ABCG8: variants seen among roughly 807,000 people sequenced by gnomAD.
The protein encoded by ABCG8 is ATP binding cassette subfamily G member 8.
A neutral mutation model predicts 71.3 loss-of-function variants in ABCG8; 81 were observed. That is an observed-to-expected ratio of 1.14 (90% CI 0.95 to 1.37). The LOEUF (loss-of-function observed/expected upper bound fraction) is 1.37. ABCG8 is among the 40% of genes most tolerant of loss of function. The pLI is 0.00. For synonymous variants in ABCG8, 451 were observed against 354.7 expected, an observed-to-expected ratio of 1.27 and a Z score of -3.05; for missense variants, 1,119 against 866.2, an observed-to-expected ratio of 1.29 and a Z score of -3.66.
intron 8 of ABCG8, among the ~76,000 whole-genome samples, chr2:43,872,641 G>T (rs766618741): frequency 1.3e-5 from 2 of 152,122 alleles, no homozygotes; most frequent in Non-Finnish European, 2.9e-5. Flanking sequence ...ATTCCTGGAG[G>T]TGGAGGCTGC....
chr2:43,850,793 C>A (rs932989341), intron 3 of ABCG8, among the ~76,000 whole-genome samples: 1 of 151,936 alleles, frequency 6.6e-6, no homozygotes, highest in African/African-American at 2.4e-5. Context: ...CCTGTAATCC[C>A]AGCTACTCAG....
intron 6 of ABCG8, among the ~76,000 whole-genome samples, chr2:43,857,113 C>T (rs1206187478): frequency 2.6e-5 from 4 of 151,532 alleles, no homozygotes; most frequent in Non-Finnish European, 5.9e-5. Flanking sequence ...AATTTTCACT[C>T]TCTAGATAGA....
intron 3 of ABCG8, among the ~76,000 whole-genome samples, chr2:43,851,186 A>G (rs574760327): frequency 6.6e-6 from 1 of 152,330 alleles, no homozygotes; most frequent in African/African-American, 2.4e-5. Flanking sequence ...TTTGCCAGCC[A>G]AAAATAGTTA....
intron 1 of ABCG8, among the ~76,000 whole-genome samples, chr2:43,841,735 C>T (rs1668586745): frequency 6.6e-6 from 1 of 152,174 alleles, no homozygotes; most frequent in African/African-American, 2.4e-5. Flanking sequence ...TGCTCTGCCT[C>T]CTCTGTCTGC....
Position 43,875,381 on chromosome 2 carries a change from GC to G in ABCG8, c.1725del (p.Phe576SerfsTer2). ...ALYNSFYLAGGFMINLSSLWT... is the reference protein window; with the variant it reads ...ALYNSFYLAGXFMINLSSLWT... ...TACAACTCCTTCTACCTCGCCGGGGGCTTCATGATAAACTTGAGCAGCCTGT... is the reference window on the plus strand; with the variant it reads ...TACAACTCCTTCTACCTCGCCGGGGGTTCATGATAAACTTGAGCAGCCTGT... On this transcript the variant is annotated frameshift_variant, in exon 11 of 13. Coordinates refer to ENST00000272286, the MANE Select transcript of ABCG8 (RefSeq NM_022437.3). LOFTEE classifies it high-confidence loss of function. 6.2e-7 allele frequency: 1 copy of G among 1,614,108 alleles called. No homozygotes were observed.
intron 6 of ABCG8, among the ~76,000 whole-genome samples, chr2:43,867,830 G>GATAGAATTCTCACTATCTTTCTCA (rs1287490428): frequency 1.3e-5 from 2 of 151,012 alleles, no homozygotes; most frequent in African/African-American, 4.9e-5. Context: ...TCACTCTCTA[G>GATAGAATTCTCACTATCTTTCTCA]ATAGAATTCT....
chr2:43,872,439 A>T, intron 8 of ABCG8, 133 bp downstream of exon 8: 1 of 1,080,320 alleles, frequency 9.3e-7, no homozygotes, highest in Non-Finnish European at 1.4e-6. Flanking sequence ...AACAGCATCC[A>T]GCAGGGCGTT....
At position 43,852,383 on chromosome 2, in the gene ABCG8, T is replaced by C; in HGVS notation, c.591T>C (p.Leu197=). The C allele has an allele frequency of 6.2e-7, 1 of 1,612,236 alleles. No individual in the cohort carries two copies. The highest frequency in any genetic ancestry group is 8.5e-7 in the Non-Finnish European group (1 of 1,180,012). The stretch of plus-strand genomic sequence containing the variant: ...AGGACGTGATCGCGGAGCTGCGGCT[T>C]AGGCAGTGCGCTGACACCCGCGTGG... The part of the protein sequence containing the change: ...RVEDVIAELR[L]RQCADTRVGN... Residue 197 remains leucine, a synonymous_variant, in exon 5 of 13, where the codon CTT becomes CTC. Coordinates refer to ENST00000272286, the MANE Select transcript of ABCG8 (RefSeq NM_022437.3).
chr2:43,877,939 T>G lies in ABCG8; in HGVS notation c.*26T>G, dbSNP rs778986557. ...TTCACGCCAGACGTCTGCCCGCTGG[T>G]GGGGGACCTGAGCAGACCCTTCAAC... On this transcript the variant is annotated 3_prime_UTR_variant, in exon 13 of 13. Transcript: ENST00000272286. 6.2e-7 allele frequency: 1 copy of G among 1,614,046 alleles called. No homozygotes were observed. Among genetic ancestry groups the G allele is most frequent in the East Asian group, 2.2e-5 (1 of 44,880 alleles).
In ABCG8 at chr2:43,852,828, C is replaced by T. The variant is rs779377749; in HGVS notation, c.924C>T (p.Gly308=). Reference sequence around the variant, plus strand: ...TGGTCCAGTATTTCACAGCCATCGGCTACCCCTGTCCTCGCTACAGCAATC... The same window carrying T: ...TGGTCCAGTATTTCACAGCCATCGGTTACCCCTGTCCTCGCTACAGCAATC... ...QHMVQYFTAI[G]YPCPRYSNPA... is the part of the protein sequence containing the mutation. The change falls in exon 6 of 13, where the codon GGC becomes GGT. Residue 308 remains glycine (G), a synonymous_variant. Transcript: ENST00000272286. 1.2e-6 allele frequency: 2 copies of T among 1,614,166 alleles called. No individual in the cohort carries two copies. Among genetic ancestry groups the T allele is most frequent in the East Asian group, 2.2e-5 (1 of 44,860 alleles).
At chr2:43,856,056 A>G (rs1488747359) in intron 6 of ABCG8, among the ~76,000 whole-genome samples, 1 of 150,060 alleles carries the variant, frequency 6.7e-6, no homozygotes, top group African/African-American at 2.5e-5. Flanking sequence ...CTCACTTTCT[A>G]GCTTGCTAGA....
At chr2:43,862,936 T>C (rs1365012766) in intron 6 of ABCG8, among the ~76,000 whole-genome samples, 2 of 149,014 alleles carry the variant, frequency 1.3e-5, no homozygotes, top group Non-Finnish European at 3.0e-5. Context: ...GGATTCTCAC[T>C]CTCTGGATAG....
chr2:43,850,739 C>G (rs1668886567), intron 3 of ABCG8, among the ~76,000 whole-genome samples: 1 of 152,038 alleles, frequency 6.6e-6, no homozygotes, highest in Non-Finnish European at 1.5e-5. Context: ...ATGGCGAAAC[C>G]CTGTCTCTAC....
chr2:43,858,854 G>A (rs945067154), intron 6 of ABCG8, among the ~76,000 whole-genome samples: 55 of 151,360 alleles, frequency 3.6e-4, no homozygotes, highest in African/African-American at 1.3e-3. Flanking sequence ...CTCACACTCC[G>A]GATAGAACTC....
At chr2:43,844,484 C>G (rs192970059) in intron 1 of ABCG8, 23 bp from the exon 2 acceptor site, 1 of 1,588,366 alleles carries the variant, frequency 6.3e-7, no homozygotes, top group Admixed American at 1.7e-5. Context: ...AAAGGAGCCC[C>G]TCATCTCTCC....
At chr2:43,860,126 T>C (rs942671960) in intron 6 of ABCG8, among the ~76,000 whole-genome samples, 4 of 150,724 alleles carry the variant, frequency 2.7e-5, no homozygotes, top group African/African-American at 9.7e-5. Context: ...ATCCTCTGGA[T>C]AGAACTCTCA....
rs1670146762 is a variant in ABCG8 at position 43,882,093 on chromosome 2, G to A, written c.*4180G>A. ...CCTCCAATTTCAAGTTATGCTATTG[G>A]TGGGGAATTTTAATTAAACAGAAAA... is the stretch of plus-strand genomic sequence containing the variant. On this transcript the variant is annotated 3_prime_UTR_variant, in exon 13 of 13. Transcript: ENST00000272286. 1 of 152,176 alleles carries A rather than the reference G, an allele frequency of 6.6e-6. No individual in the cohort carries two copies. Among genetic ancestry groups the A allele is most frequent in the Non-Finnish European group, 1.5e-5 (1 of 68,040 alleles). 9.4% of individuals were successfully genotyped at this position (152,176 alleles called of 1,614,324 possible). A position where few individuals can be genotyped will look rare whatever the true frequency, so the allele number is the denominator to read the frequency against.
At position 43,858,320 on chromosome 2, in the gene ABCG8, A is replaced by G. The variant is rs185338067; in HGVS notation, c.964+5452A>G. On this transcript the variant is annotated intron_variant, in intron 6 of 12. Transcript: ENST00000272286. ...TTATTCTCTGGATAAAACTCTCACT[A>G]TCTTTCTTGATAGAACTCTTACTAA... Among the ~76,000 whole-genome samples, 182 of 150,034 alleles carry G rather than the reference A, an allele frequency of 1.2e-3. 2 individuals are homozygous for G. Among genetic ancestry groups the G allele is most frequent in the Admixed American group, 0.01 (153 of 15,066 alleles).
intron 1 of ABCG8, among the ~76,000 whole-genome samples, chr2:43,843,565 G>C (rs1386367277): frequency 6.6e-6 from 1 of 151,932 alleles, no homozygotes; most frequent in African/African-American, 2.4e-5. Flanking sequence ...GAGGTGGGAG[G>C]ATTGCTTGAG....
Sources: allele counts gnomAD v4.1 joint callset (sites outside exome capture counted in the v4.1 genomes callset), GRCh38; gene constraint gnomAD v4.1.1; transcripts MANE v1.5; gene names NCBI Gene and HGNC (gene_info 2026-07-23, HGNC 2026-07-21).